The following LVRN variants were observed in gnomAD, a reference collection of about 807,000 sequenced individuals.
The protein encoded by LVRN is laeverin.
LVRN carries 99 observed loss-of-function variants against 111.4 expected under a neutral mutation model. That is an observed-to-expected ratio of 0.89 (90% CI 0.76 to 1.05). LVRN has a LOEUF of 1.05. LVRN is among the 50% of genes least tolerant of loss of function. LVRN has a pLI of 0.00. For missense variants in LVRN, 1,414 were observed against 1,206.8 expected (o/e 1.17, Z -2.54); for synonymous variants, 488 against 449.5 (o/e 1.09, Z -1.08).
intron 1 of LVRN, among the ~76,000 whole-genome samples, chr5:115,966,985 G>C (rs1330670167): frequency 6.6e-6 from 1 of 152,064 alleles, no homozygotes; most frequent in Non-Finnish European, 1.5e-5. Flanking sequence ...TTTTCTAATA[G>C]ATTTTATTTT....
intron 13 of LVRN, among the ~76,000 whole-genome samples, chr5:116,008,830 C>T (rs562367831): frequency 2.0e-5 from 3 of 152,156 alleles, no homozygotes; most frequent in Non-Finnish European, 4.4e-5. Flanking sequence ...AGGAAAGAAG[C>T]CATCTCCATA....
At chr5:115,971,205 T>C (rs1358382584) in intron 1 of LVRN, among the ~76,000 whole-genome samples, 1 of 152,222 alleles carries the variant, frequency 6.6e-6, no homozygotes, top group Non-Finnish European at 1.5e-5. Flanking sequence ...CTTGGGCTGT[T>C]TGTTTTCCTA....
intron 1 of LVRN, among the ~76,000 whole-genome samples, chr5:115,972,028 A>G (rs1347709403): frequency 6.6e-6 from 1 of 152,142 alleles, no homozygotes; most frequent in African/African-American, 2.4e-5. Flanking sequence ...GCTTCCAGGA[A>G]TATTCGTGTA....
chr5:116,009,943 A>T (rs905566053), intron 13 of LVRN, among the ~76,000 whole-genome samples: 1 of 152,224 alleles, frequency 6.6e-6, no homozygotes, highest in African/African-American at 2.4e-5. Flanking sequence ...TTTTGAAAGA[A>T]GTTTTGCTGT....
At chr5:116,024,047 A>C (rs1370166581) in intron 19 of LVRN, among the ~76,000 whole-genome samples, 1 of 152,206 alleles carries the variant, frequency 6.6e-6, no homozygotes, top group African/African-American at 2.4e-5. Flanking sequence ...GGGTAATGCA[A>C]ATGGATCTAT....
rs748634842 is a variant in LVRN at position 115,992,148 on chromosome 5, C to T, written c.1131C>T (p.Asp377=). 4.3e-6 allele frequency: 7 copies of T among 1,613,290 alleles called. No homozygotes were observed. The Admixed American group carries it at 1.0e-4, about 23-fold the overall frequency. ...KTDIIALPSF[D]NHAMENWGLM... is the part of the protein sequence containing the mutation. ...ATATAATTGCCTTGCCTAGTTTTGA[C>T]AACCATGCAATGGAAAACTGGGGAC... The change falls in exon 5 of 20, where the codon GAC becomes GAT. Residue 377 remains aspartate (D), a synonymous_variant. Coordinates refer to ENST00000357872, the MANE Select transcript of LVRN (RefSeq NM_173800.5).
rs1264675980 is a variant in LVRN at position 115,993,855 on chromosome 5, G to A, written c.1374+1G>A. 2.0e-6 allele frequency: 3 copies of A among 1,538,326 alleles called. No individual in the cohort carries two copies. Among genetic ancestry groups the A allele is most frequent in the East Asian group, 4.6e-5 (2 of 43,812 alleles). On this transcript the variant is annotated splice_donor_variant, in intron 6 of 19. Transcript: ENST00000357872. LOFTEE classifies it high-confidence loss of function. ...CTACTTTAATCCTAAACTCCCAAGA[G>A]TAAGTATGTTTACTAAGTTTATTTA...
chr5:115,999,000 TAGTC>T (rs1748179017), intron 6 of LVRN, among the ~76,000 whole-genome samples: 4 of 152,190 alleles, frequency 2.6e-5, no homozygotes, highest in Admixed American at 2.6e-4. Flanking sequence ...ATCCCAAAGA[TAGTC>T]AGTAGGGACT....
rs1748280080 is a variant in LVRN, at chr5:116,003,324, A to C, written c.1981A>C (p.Asn661His). ...GAATATGACTGGATATTATAGAGTT[A>C]ATTATGATAAATTAGGTTGGAAGAA... ...NLNMTGYYRV[N>H]YDKLGWKKLN... Residue 661 changes from asparagine to histidine, a missense_variant, in exon 12 of 20, where the codon AAT becomes CAT. Asn to His is a moderately conservative substitution (Grantham distance 68). Coordinates refer to ENST00000357872, the MANE Select transcript of LVRN (RefSeq NM_173800.5). 6.5e-7 allele frequency: 1 copy of C among 1,529,602 alleles called. No homozygotes were observed. The highest frequency in any genetic ancestry group is 8.9e-7 in the Non-Finnish European group (1 of 1,124,574). The allele number at this position is 1,529,602 out of a possible 1,614,324, so 94.8% of individuals were successfully genotyped here. A position where few individuals can be genotyped will look rare whatever the true frequency, so the allele number is the denominator to read the frequency against.
chr5:115,974,915 A>G lies in LVRN; in HGVS notation c.696-8372A>G, dbSNP rs1241208578. 6 of 477,940 alleles carry G rather than the reference A, an allele frequency of 1.3e-5. No homozygotes were observed. The East Asian group carries it at 3.5e-4, about 28-fold the overall frequency. 29.6% of individuals were successfully genotyped at this position (477,940 alleles called of 1,614,324 possible). On this transcript the variant is annotated intron_variant, in intron 1 of 19. Coordinates refer to ENST00000357872, the MANE Select transcript of LVRN (RefSeq NM_173800.5). ...ATCACCATGCAGAGACTCTACTGATATATTTCCAAGTATTAGGTCACTTGA... is the reference window on the plus strand; with the variant it reads ...ATCACCATGCAGAGACTCTACTGATGTATTTCCAAGTATTAGGTCACTTGA...
chr5:115,981,749 G>A (rs936767871), intron 1 of LVRN, among the ~76,000 whole-genome samples: 2 of 152,042 alleles, frequency 1.3e-5, no homozygotes, highest in Non-Finnish European at 2.9e-5. Flanking sequence ...TTTTAAAGAT[G>A]CATCTGTAAC....
At chr5:116,000,374 T>C (rs1333016073) in intron 7 of LVRN, 59 bp from the exon 8 acceptor site, 11 of 1,567,102 alleles carry the variant, frequency 7.0e-6, no homozygotes, top group Admixed American at 1.7e-5. Flanking sequence ...AAATATGGAA[T>C]GTGTCAGTAT....
At chr5:116,003,009 TC>T in intron 11 of LVRN, 98 bp downstream of exon 11, 1 of 1,042,678 alleles carries the variant, frequency 9.6e-7, no homozygotes, top group East Asian at 2.7e-5. Flanking sequence ...CCATTTCATT[TC>T]AAACTAAAAT....
At chr5:116,021,304 T>C (rs987896949) in intron 18 of LVRN, 2 of 152,348 alleles carry the variant, frequency 1.3e-5, no homozygotes, top group Non-Finnish European at 2.9e-5. Context: ...TGTTTTCCAT[T>C]TTTATTTTTA....
intron 6 of LVRN, among the ~76,000 whole-genome samples, chr5:115,997,779 G>GT (rs1198350894): frequency 6.6e-6 from 1 of 152,022 alleles, no homozygotes; most frequent in Non-Finnish European, 1.5e-5. Flanking sequence ...TAGCTAGATA[G>GT]TTTTTTTTAA....
intron 14 of LVRN, among the ~76,000 whole-genome samples, chr5:116,011,355 A>G (rs1366919385): frequency 1.3e-5 from 2 of 152,164 alleles, no homozygotes; most frequent in East Asian, 3.8e-4. Flanking sequence ...GAAAATGTAA[A>G]AATTTGAAGA....
At chr5:115,983,457 G>GCTGTC in intron 2 of LVRN, 28 bp downstream of exon 2, 1 of 1,570,082 alleles carries the variant, frequency 6.4e-7, no homozygotes, top group Non-Finnish European at 8.6e-7. Context: ...TCTATATCTA[G>GCTGTC]CTGTCTATCT....
At chr5:115,977,915 A>T (rs1386147655) in intron 1 of LVRN, among the ~76,000 whole-genome samples, 1 of 152,240 alleles carries the variant, frequency 6.6e-6, no homozygotes, top group African/African-American at 2.4e-5. Context: ...GAAAAGAAGG[A>T]ACTGAAAGAT....
chr5:115,988,164 C>G (rs1747911837), intron 4 of LVRN, among the ~76,000 whole-genome samples: 1 of 152,174 alleles, frequency 6.6e-6, no homozygotes, highest in Non-Finnish European at 1.5e-5. Flanking sequence ...GAAGAGCTCT[C>G]AGACTTTTTA....
Sources: gnomAD v4.1 joint callset for allele counts (sites outside exome capture counted in the v4.1 genomes callset) on GRCh38, gnomAD v4.1.1 for gene constraint, MANE v1.5 for transcripts, NCBI Gene and HGNC (gene_info 2026-07-23, HGNC 2026-07-21) for gene names.